Variants in KLHL7 observed in about 807,000 individuals in gnomAD.
KLHL7 encodes the protein kelch-like protein 7.
Under a neutral mutation model 67.4 loss-of-function variants are expected in KLHL7, and 44 were observed. That is an observed-to-expected ratio of 0.65 (90% CI 0.51 to 0.84). The LOEUF is 0.84. Among genes scored for constraint, KLHL7 ranks in the 40% least tolerant of loss-of-function variants. The pLI, the probability that KLHL7 is intolerant of heterozygous loss-of-function variation, is 0.00. For missense variants in KLHL7, 362 were observed against 718.1 expected, an observed-to-expected ratio of 0.50 and a Z score of 5.67; for synonymous variants, 252 against 243.3, an observed-to-expected ratio of 1.04 and a Z score of -0.33.
chr7:23,153,299 G>T lies in KLHL7; in HGVS notation c.936+1090G>T, dbSNP rs377004685. On this transcript the variant is annotated intron_variant, in intron 7 of 10. Coordinates refer to ENST00000339077, the MANE Select transcript of KLHL7 (RefSeq NM_001031710.3). ...AGTGAACCAAGCCCAGGCCTCTCAA[G>T]TTTGTTAGCTGATATATTAGTGACA... Among the ~76,000 whole-genome samples, 24 of 152,280 alleles carry T rather than the reference G, an allele frequency of 1.6e-4. 1 individual carries two copies. Among genetic ancestry groups the T allele is most frequent in the African/African-American group, 5.8e-4 (24 of 41,546 alleles).
intron 1 of KLHL7, among the ~76,000 whole-genome samples, chr7:23,121,924 C>T (rs987013044): frequency 1.3e-5 from 2 of 152,008 alleles, no homozygotes; most frequent in East Asian, 1.9e-4. Flanking sequence ...CCTTGTGATC[C>T]GCCCGCCTCA....
intron 4 of KLHL7, chr7:23,140,514 G>A (rs1583685899): frequency 4.4e-6 from 2 of 452,766 alleles, no homozygotes; most frequent in Admixed American, 3.2e-5. Context: ...CCGAGATCGC[G>A]CCACTGCACT....
At chr7:23,169,779 C>G (rs858270) in intron 9 of KLHL7, among the ~76,000 whole-genome samples, 6,217 of 152,190 alleles carry the variant, frequency 0.041, 170 homozygotes, top group South Asian at 0.08. Flanking sequence ...CCTAGCATTT[C>G]TTTCATTTTA....
intron 7 of KLHL7, among the ~76,000 whole-genome samples, chr7:23,157,557 G>GT (rs1432527847): frequency 2.0e-5 from 3 of 151,956 alleles, no homozygotes; most frequent in Admixed American, 6.6e-5. Flanking sequence ...ACATCCTGAG[G>GT]TAAGTTCTCA....
intron 1 of KLHL7, among the ~76,000 whole-genome samples, chr7:23,121,872 C>T (rs1783362089): frequency 2.6e-5 from 4 of 151,844 alleles, no homozygotes; most frequent in African/African-American, 7.3e-5. Context: ...TTAGTAGAGG[C>T]GGGATTTCAC....
At position 23,174,401 on chromosome 7, in the gene KLHL7, GA is replaced by G; in HGVS notation, c.*106del. The G allele has an allele frequency of 1.6e-6, 2 of 1,236,722 alleles. No individual in the cohort carries two copies. The highest frequency in any genetic ancestry group is 2.4e-6 in the Non-Finnish European group (2 of 848,594). The allele number at this position is 1,236,722 out of a possible 1,614,324, so 76.6% of individuals were successfully genotyped here. ...AGTTTTGGTTTGGTGTTTTGGTAAA[GA>G]AAGTTTCAAGTGAAATGAGGTTCCT... On this transcript the variant is annotated 3_prime_UTR_variant, in exon 11 of 11. Coordinates refer to ENST00000339077, the MANE Select transcript of KLHL7 (RefSeq NM_001031710.3).
At chr7:23,112,709 A>C (rs1250247929) in intron 1 of KLHL7, among the ~76,000 whole-genome samples, 1 of 152,230 alleles carries the variant, frequency 6.6e-6, no homozygotes, top group African/African-American at 2.4e-5. Context: ...ATAGCAACAC[A>C]GAGTGGTTTG....
chr7:23,137,929 C>A (rs1192266251), intron 4 of KLHL7, among the ~76,000 whole-genome samples: 1 of 151,426 alleles, frequency 6.6e-6, no homozygotes, highest in Non-Finnish European at 1.5e-5. Flanking sequence ...GTAATCCCAG[C>A]ACTTTGGGAG....
chr7:23,173,017 A>G lies in KLHL7; in HGVS notation c.1449A>G (p.Ile483Met). Residue 483 changes from isoleucine (I) to methionine (M), a missense_variant, in exon 10 of 11, where the codon ATA becomes ATG. This residue lies in a region of KLHL7 where 136 missense variants were observed against 252.7 expected (regional missense o/e 0.54). Transcript: ENST00000339077. ...GGCTGGTATTTGTAAAAGACAAGAT[A>G]TTTGCTGTGGGTGGTCAGAATGGTT... ...NHGLVFVKDK[I>M]FAVGGQNGLG... 6.2e-7 allele frequency: 1 copy of G among 1,613,660 alleles called. No individual in the cohort carries two copies.
At position 23,174,426 on chromosome 7, in the gene KLHL7, C is replaced by G. The variant is rs1048505252; in HGVS notation, c.*128C>G. 2.2e-6 allele frequency: 2 copies of G among 908,888 alleles called. No homozygotes were observed. The highest frequency in any genetic ancestry group is 3.3e-5 in the African/African-American group (2 of 60,754). The allele number at this position is 908,888 out of a possible 1,614,324, so 56.3% of individuals were successfully genotyped here. On this transcript the variant is annotated 3_prime_UTR_variant, in exon 11 of 11. Transcript: ENST00000339077. The stretch of plus-strand genomic sequence containing the variant: ...GAAAGTTTCAAGTGAAATGAGGTTC[C>G]TATAAAATAGATGTTTCTTTTATAT...
At chr7:23,142,523 A>G (rs781655465) in intron 5 of KLHL7, among the ~76,000 whole-genome samples, 1 of 152,192 alleles carries the variant, frequency 6.6e-6, no homozygotes, top group African/African-American at 2.4e-5. Flanking sequence ...GAAAAGGAGT[A>G]ACAAGTAACA....
intron 7 of KLHL7, among the ~76,000 whole-genome samples, chr7:23,156,721 C>T (rs1403726985): frequency 6.6e-6 from 1 of 152,198 alleles, no homozygotes; most frequent in Non-Finnish European, 1.5e-5. Context: ...ATGTGGCACC[C>T]TATTCATGGA....
intron 1 of KLHL7, among the ~76,000 whole-genome samples, chr7:23,115,191 T>A (rs757263231): frequency 4.9e-4 from 75 of 152,326 alleles, no homozygotes; most frequent in South Asian, 2.1e-3. Flanking sequence ...TGCCACACTT[T>A]CCGGTATGTT....
chr7:23,125,701 C>CT, intron 4 of KLHL7: 1 of 1,427,204 alleles, frequency 7.0e-7, no homozygotes, highest in African/African-American at 1.4e-5. Context: ...AAGATACTAA[C>CT]TGAGGGACTG....
chr7:23,106,803 T>C, intron 1 of KLHL7: 1 of 985,448 alleles, frequency 1.0e-6, no homozygotes, highest in African/African-American at 1.7e-5. Context: ...AGGTGGGTTA[T>C]GAAAAGAACG....
At chr7:23,114,598 C>G (rs1305235306) in intron 1 of KLHL7, among the ~76,000 whole-genome samples, 1 of 152,158 alleles carries the variant, frequency 6.6e-6, no homozygotes, top group African/African-American at 2.4e-5. Context: ...TATTTTCTTA[C>G]TAGCTCAGGG....
At chr7:23,170,836 G>A (rs751563104) in intron 9 of KLHL7, among the ~76,000 whole-genome samples, 1 of 151,658 alleles carries the variant, frequency 6.6e-6, no homozygotes, top group Non-Finnish European at 1.5e-5. Flanking sequence ...TAAAGTAACT[G>A]AAGAAAGAAA....
intron 7 of KLHL7, among the ~76,000 whole-genome samples, chr7:23,159,253 T>C (rs531525604): frequency 6.6e-6 from 1 of 152,242 alleles, no homozygotes; most frequent in East Asian, 1.9e-4. Flanking sequence ...AGCCTTAACC[T>C]CCTGGCCTCA....
At chr7:23,128,422 TAAAAAAA>T (rs201757686) in intron 4 of KLHL7, among the ~76,000 whole-genome samples, 394 of 116,890 alleles carry the variant, frequency 3.4e-3, no homozygotes, top group African/African-American at 7.6e-3. Context: ...TCTTTGGGTT[TAAAAAAA>T]AAAAAAAAAA....
Sources: gnomAD v4.1 joint callset for allele counts (sites outside exome capture counted in the v4.1 genomes callset) on GRCh38, gnomAD v4.1.1 for gene constraint, gnomAD v4.1.1 regional missense constraint, MANE v1.5 for transcripts, NCBI Gene and HGNC (gene_info 2026-07-23, HGNC 2026-07-21) for gene names.